Variants in WDR93 observed in about 807,000 individuals in gnomAD.
WDR93 encodes WD repeat domain 93.
WDR93 carries 73 observed loss-of-function variants against 82.9 expected under a neutral mutation model. The observed-to-expected ratio is 0.88, with a 90% CI of 0.73 to 1.07. WDR93 has a LOEUF of 1.07. Ranked by LOEUF, WDR93 falls within the 50% of genes least tolerant of loss-of-function variation. WDR93 has a pLI of 0.00. For synonymous variants in WDR93, 283 were observed against 300.1 expected (o/e 0.94, Z 0.59); for missense variants, 738 against 826.0 (o/e 0.89, Z 1.31).
At chr15:89,731,306 A>C (rs1340977814) in intron 11 of WDR93, 137 bp from the exon 12 acceptor site, 1 of 1,242,190 alleles carries the variant, frequency 8.1e-7, no homozygotes, top group Non-Finnish European at 1.1e-6. Flanking sequence ...GAGAAGGATG[A>C]TGGTGAGTCC....
At chr15:89,712,876 G>A (rs900303037) in intron 5 of WDR93, among the ~76,000 whole-genome samples, 5 of 152,122 alleles carry the variant, frequency 3.3e-5, no homozygotes, top group Non-Finnish European at 7.4e-5. Context: ...TGTAATTCCA[G>A]CACTTTGGGA....
chr15:89,701,494 A>C (rs1295723153), intron 1 of WDR93, among the ~76,000 whole-genome samples: 1 of 152,222 alleles, frequency 6.6e-6, no homozygotes, highest in African/African-American at 2.4e-5. Context: ...CACATCATCT[A>C]GGGTTGGCCT....
chr15:89,712,854 G>A (rs1167967802), intron 5 of WDR93, among the ~76,000 whole-genome samples: 1 of 152,132 alleles, frequency 6.6e-6, no homozygotes, highest in Non-Finnish European at 1.5e-5. Context: ...GCCAGGCGCG[G>A]TGGCTCACGC....
In WDR93 at chr15:89,738,045, C is replaced by T; in HGVS notation, c.1770C>T (p.Asp590=). ...GGTGTTCTTGTCTCGTCACAGGAGACTATTCACATGAAACTGCGTCCACCG... is the reference window on the plus strand; with the variant it reads ...GGTGTTCTTGTCTCGTCACAGGAGATTATTCACATGAAACTGCGTCCACCG... ...PDHPCFLLRG[D]YSHETASTDD... The change falls in exon 16 of 17, where the codon GAC becomes GAT. Residue 590 remains aspartate, a synonymous_variant. Transcript: ENST00000268130. The T allele has an allele frequency of 1.2e-6, 2 of 1,608,774 alleles. No homozygotes were observed.
chr15:89,707,225 T>C (rs1173981349), intron 4 of WDR93, among the ~76,000 whole-genome samples: 2 of 152,124 alleles, frequency 1.3e-5, no homozygotes, highest in Admixed American at 1.3e-4. Flanking sequence ...GAGATATAAT[T>C]ACACATGTAT....
chr15:89,693,855 G>A (rs1240740904), intron 1 of WDR93, among the ~76,000 whole-genome samples: 1 of 152,216 alleles, frequency 6.6e-6, no homozygotes, highest in Non-Finnish European at 1.5e-5. Flanking sequence ...CAAGGAATGA[G>A]TCAAATGGAA....
At chr15:89,702,543 T>G (rs201479847) in intron 2 of WDR93, among the ~76,000 whole-genome samples, 2 of 76,610 alleles carry the variant, frequency 2.6e-5, no homozygotes, top group Non-Finnish European at 5.1e-5. Flanking sequence ...TGTTGTTTTT[T>G]GGGGTTTTTT....
intron 1 of WDR93, among the ~76,000 whole-genome samples, chr15:89,693,923 T>C (rs1226381870): frequency 6.6e-6 from 1 of 152,224 alleles, no homozygotes; most frequent in East Asian, 1.9e-4. Context: ...AGGATTAGCA[T>C]CTAAGATGGA....
intron 12 of WDR93, among the ~76,000 whole-genome samples, chr15:89,732,310 G>A (rs1247309935): frequency 6.6e-6 from 1 of 152,156 alleles, no homozygotes; most frequent in East Asian, 1.9e-4. Flanking sequence ...TGGGTAGCTT[G>A]TGATCAGACC....
chr15:89,740,562 C>A (rs112188932), intron 16 of WDR93, among the ~76,000 whole-genome samples: 1 of 152,156 alleles, frequency 6.6e-6, no homozygotes, highest in African/African-American at 2.4e-5. Flanking sequence ...AGTGCACTGG[C>A]GCGATCTCGG....
intron 16 of WDR93, among the ~76,000 whole-genome samples, chr15:89,742,596 C>G (rs905196417): frequency 2.6e-5 from 4 of 152,010 alleles, no homozygotes; most frequent in Non-Finnish European, 4.4e-5. Flanking sequence ...TGCAATGGTG[C>G]TATCTTGGCT....
Position 89,736,076 on chromosome 15 carries a change from G to C in WDR93, c.1608+523G>C, listed in dbSNP as rs531772723. Among the ~76,000 whole-genome samples, 3 of 152,336 alleles carry C rather than the reference G, an allele frequency of 2.0e-5. No homozygotes were observed. The East Asian group carries it at 5.8e-4, about 29-fold the overall frequency. On this transcript the variant is annotated intron_variant, in intron 14 of 16. Transcript: ENST00000268130. ...GGAAGGTCCTGTACACTGCGCAGAA[G>C]GATACAGATGTGTCCCTGTGTGGGA...
chr15:89,733,192 G>A lies in WDR93; in HGVS notation c.1517G>A (p.Gly506Glu), dbSNP rs765285966. 4.3e-6 allele frequency: 7 copies of A among 1,613,860 alleles called. No homozygotes were observed. In the Admixed American group the frequency reaches 1.2e-4, roughly 27 times the overall value. ...LHLVEASGTQ[G>E]PTISVLVERP... Reference sequence around the variant, plus strand: ...CTGGTGGAGGCTAGCGGGACCCAAGGACCCACCATCAGTGTGCTTGTTGAG... The same window carrying A: ...CTGGTGGAGGCTAGCGGGACCCAAGAACCCACCATCAGTGTGCTTGTTGAG... The change falls in exon 13 of 17, where the codon GGA (glycine) becomes GAA (glutamate). Residue 506 changes from glycine to glutamate, a missense_variant. By Grantham distance (98) the Gly-to-Glu change is moderately conservative (BLOSUM62 -2). Coordinates refer to ENST00000268130, the MANE Select transcript of WDR93 (RefSeq NM_020212.2).
intron 5 of WDR93, 116 bp downstream of exon 5, chr15:89,712,220 A>C: frequency 1.2e-6 from 1 of 834,186 alleles, no homozygotes; most frequent in East Asian, 2.9e-5. Context: ...TTCAAAGAAG[A>C]GTTGCAAAGA....
At chr15:89,694,828 T>C (rs1965085345) in intron 1 of WDR93, among the ~76,000 whole-genome samples, 1 of 152,258 alleles carries the variant, frequency 6.6e-6, no homozygotes, top group Non-Finnish European at 1.5e-5. Flanking sequence ...TTTAGGTGTA[T>C]GATTTTACTT....
intron 16 of WDR93, among the ~76,000 whole-genome samples, chr15:89,741,590 A>G (rs2039842005): frequency 6.6e-6 from 1 of 152,224 alleles, no homozygotes; most frequent in South Asian, 2.1e-4. Context: ...GGTCAAAAAT[A>G]TAAAGTACAC....
At chr15:89,716,998 A>G (rs1176932580) in intron 7 of WDR93, 49 bp downstream of exon 7, 3 of 1,042,408 alleles carry the variant, frequency 2.9e-6, no homozygotes, top group African/African-American at 1.7e-5. Flanking sequence ...TTTGTATTTT[A>G]GAGATTTTTT....
intron 5 of WDR93, chr15:89,714,337 T>C (rs1966143606): frequency 6.6e-6 from 1 of 152,494 alleles, no homozygotes; most frequent in Non-Finnish European, 1.5e-5. Context: ...TTTCTTTTTT[T>C]TTTTGAGATG....
intron 4 of WDR93, 30 bp downstream of exon 4, chr15:89,705,648 G>T (rs753592311): frequency 2.9e-6 from 4 of 1,375,760 alleles, no homozygotes; most frequent in Non-Finnish European, 4.1e-6. Flanking sequence ...CCATTAGCTG[G>T]GCCAAAAGCT....
Sources: allele counts gnomAD v4.1 joint callset (sites outside exome capture counted in the v4.1 genomes callset), GRCh38; gene constraint gnomAD v4.1.1; transcripts MANE v1.5; gene names NCBI Gene and HGNC (gene_info 2026-07-23, HGNC 2026-07-21).